Variants in ATF6 observed in about 807,000 individuals in gnomAD.
ATF6 encodes cyclic AMP-dependent transcription factor ATF-6 alpha.
Under a neutral mutation model 83.6 loss-of-function variants are expected in ATF6, and 53 were observed. The ratio of observed to expected loss-of-function variants is 0.63; its 90% CI spans 0.51 to 0.80. The LOEUF is 0.80. Among genes scored for constraint, ATF6 ranks in the 30% least tolerant of loss-of-function variants. The pLI, the probability that ATF6 is intolerant of heterozygous loss-of-function variation, is 0.00. For missense variants in ATF6, 744 were observed against 797.9 expected (o/e 0.93, Z 0.81); for synonymous variants, 288 against 285.8 (o/e 1.01, Z -0.08).
At chr1:161,843,330 T>G (rs1046967922) in intron 9 of ATF6, among the ~76,000 whole-genome samples, 1 of 152,234 alleles carries the variant, frequency 6.6e-6, no homozygotes, top group African/African-American at 2.4e-5. Context: ...TGACATTGCA[T>G]GAACCAGCAT....
chr1:161,872,221 G>GA (rs919387404), intron 14 of ATF6, among the ~76,000 whole-genome samples: 2 of 151,660 alleles, frequency 1.3e-5, no homozygotes, highest in East Asian at 3.9e-4. Flanking sequence ...CTGTAGAAAT[G>GA]AAAAAACAAA....
intron 15 of ATF6, among the ~76,000 whole-genome samples, chr1:161,937,153 A>G (rs1416551416): frequency 6.6e-6 from 1 of 152,024 alleles, no homozygotes; most frequent in African/African-American, 2.4e-5. Flanking sequence ...GAACCTGTTA[A>G]GACTTAAATT....
chr1:161,907,524 C>T (rs551272873), intron 14 of ATF6, among the ~76,000 whole-genome samples: 2 of 152,034 alleles, frequency 1.3e-5, no homozygotes, highest in African/African-American at 2.4e-5. Flanking sequence ...GAAAGCTGCT[C>T]AGTGTCACAA....
intron 6 of ATF6, among the ~76,000 whole-genome samples, chr1:161,797,880 G>T (rs1685058344): frequency 6.6e-6 from 1 of 152,080 alleles, no homozygotes; most frequent in African/African-American, 2.4e-5. Context: ...TAAGCAAAAA[G>T]AACAAAGCCA....
intron 7 of ATF6, among the ~76,000 whole-genome samples, chr1:161,803,402 A>G (rs546776484): frequency 6.6e-6 from 1 of 152,314 alleles, no homozygotes; most frequent in East Asian, 1.9e-4. Context: ...TGGAATAGGA[A>G]AATTAGTGTT....
At chr1:161,894,778 T>C (rs1687640768) in intron 14 of ATF6, among the ~76,000 whole-genome samples, 1 of 148,618 alleles carries the variant, frequency 6.7e-6, no homozygotes, top group Non-Finnish European at 1.5e-5. Context: ...CCGGGAACTC[T>C]TGACCTCGTG....
At chr1:161,852,514 G>T (rs2101827165) in intron 11 of ATF6, among the ~76,000 whole-genome samples, 1 of 152,120 alleles carries the variant, frequency 6.6e-6, no homozygotes, top group East Asian at 1.9e-4. Context: ...TTGTTGTTAG[G>T]GGTCCTATGA....
At chr1:161,846,655 A>G in intron 10 of ATF6, 75 bp downstream of exon 10, 2 of 1,398,984 alleles carry the variant, frequency 1.4e-6, no homozygotes, top group Non-Finnish European at 9.5e-7. Context: ...CTGTAGTATA[A>G]CATTGCATCT....
intron 4 of ATF6, among the ~76,000 whole-genome samples, chr1:161,786,133 T>C (rs1684743544): frequency 1.3e-5 from 2 of 150,708 alleles, no homozygotes; most frequent in Non-Finnish European, 3.0e-5. Flanking sequence ...TACAGGCACC[T>C]GCCACCACAC....
At chr1:161,799,739 G>A (rs1685101026) in intron 6 of ATF6, among the ~76,000 whole-genome samples, 1 of 152,088 alleles carries the variant, frequency 6.6e-6, no homozygotes, top group Non-Finnish European at 1.5e-5. Context: ...GCTGTTTATT[G>A]AAATTCTGCT....
chr1:161,900,175 A>C (rs1306527718), intron 14 of ATF6, among the ~76,000 whole-genome samples: 1 of 152,210 alleles, frequency 6.6e-6, no homozygotes, highest in Non-Finnish European at 1.5e-5. Flanking sequence ...ATTTATTTCA[A>C]TATTTAATAT....
chr1:161,829,990 A>G (rs1686010827), intron 9 of ATF6, among the ~76,000 whole-genome samples: 1 of 152,210 alleles, frequency 6.6e-6, no homozygotes, highest in South Asian at 2.1e-4. Flanking sequence ...AGGGTATTCA[A>G]TTAGGAAAAG....
chr1:161,775,896 G>A (rs1307906043), intron 1 of ATF6, among the ~76,000 whole-genome samples: 1 of 149,800 alleles, frequency 6.7e-6, no homozygotes, highest in African/African-American at 2.5e-5. Context: ...ATACATGTGT[G>A]TATATATATA....
chr1:161,779,123 A>T (rs187609395), intron 2 of ATF6, among the ~76,000 whole-genome samples: 107 of 152,340 alleles, frequency 7.0e-4, no homozygotes, highest in African/African-American at 2.0e-3. Flanking sequence ...GATATATTTT[A>T]AAAAATCAGT....
At position 161,903,536 on chromosome 1, in the gene ATF6, A is replaced by G. The variant is rs548665846; in HGVS notation, c.1720-8760A>G. Among the ~76,000 whole-genome samples, 16 of 152,284 alleles carry G rather than the reference A, an allele frequency of 1.1e-4. No homozygotes were observed. The South Asian group carries it at 2.1e-3, about 20-fold the overall frequency. On this transcript the variant is annotated intron_variant, in intron 14 of 15. Transcript: ENST00000367942. The stretch of plus-strand genomic sequence containing the variant: ...CTTAAACAACAAATCTAAATTTCCT[A>G]TATCAGTTGCATTTAACTGTTGCGT...
intron 14 of ATF6, among the ~76,000 whole-genome samples, chr1:161,893,979 C>T (rs569400719): frequency 3.8e-4 from 58 of 152,264 alleles, no homozygotes; most frequent in African/African-American, 1.1e-3. Flanking sequence ...GCATTTTTCA[C>T]CTTTTTCCAA....
chr1:161,778,719 G>C (rs898646257), intron 2 of ATF6, among the ~76,000 whole-genome samples: 41 of 152,100 alleles, frequency 2.7e-4, no homozygotes, highest in Non-Finnish European at 8.8e-5. Flanking sequence ...GACTAAGTTA[G>C]TCCTTTTTAA....
intron 14 of ATF6, among the ~76,000 whole-genome samples, chr1:161,893,899 T>A (rs1010697304): frequency 1.3e-5 from 2 of 152,194 alleles, no homozygotes; most frequent in Non-Finnish European, 2.9e-5. Context: ...TTGAAATAAA[T>A]TTTCTCCAAT....
chr1:161,947,822 T>C (rs1269042532), intron 15 of ATF6, among the ~76,000 whole-genome samples: 7 of 124,458 alleles, frequency 5.6e-5, no homozygotes. Context: ...TTTTTTTTTT[T>C]TTTTTTTTTT....
Sources: allele counts gnomAD v4.1 joint callset (sites outside exome capture counted in the v4.1 genomes callset), GRCh38; gene constraint gnomAD v4.1.1; transcripts MANE v1.5; gene names NCBI Gene and HGNC (gene_info 2026-07-23, HGNC 2026-07-21).